The following ISYNA1 variants were observed in gnomAD, a reference collection of about 807,000 sequenced individuals.
The protein encoded by ISYNA1 is inositol-3-phosphate synthase 1, also known as MI-1-P synthase.
In ISYNA1, 34 loss-of-function variants were observed where a neutral mutation model predicts 50.3. That is an observed-to-expected ratio of 0.68 (90% CI 0.51 to 0.90). ISYNA1 has a LOEUF of 0.90. Among genes scored for constraint, ISYNA1 ranks in the 40% least tolerant of loss-of-function variants. The probability of loss-of-function intolerance (pLI) is 0.00; values close to 1 mark genes in which losing one functional copy is unlikely to be tolerated. For missense variants in ISYNA1, 718 were observed against 784.8 expected (o/e 0.91, Z 1.02); for synonymous variants, 396 against 349.9 (o/e 1.13, Z -1.47).
Position 18,437,603 on chromosome 19 carries a change from C to T in ISYNA1, c.278G>A (p.Arg93His), listed in dbSNP as rs1040898345. The T allele has an allele frequency of 3.4e-6, 5 of 1,460,900 alleles. No homozygotes were observed. In the African/African-American group the frequency reaches 5.8e-5, roughly 17 times the overall value. 90.5% of individuals were successfully genotyped at this position (1,460,900 alleles called of 1,614,324 possible). A position where few individuals can be genotyped will look rare whatever the true frequency, so the allele number is the denominator to read the frequency against. ...LRLSWPTRSG[R>H]KEANYYGSLT... ...CCACGCCCCTCCCGCCCCCACCTTG[C>T]GGCCGCTGCGCGTGGGCCAGGACAA... The change falls in exon 3 of 11, where the codon CGC (arginine) becomes CAC (histidine). Residue 93 changes from arginine to histidine, a missense_variant. Transcript: ENST00000338128.
intron 8 of ISYNA1, 24 bp from the exon 9 acceptor site, chr19:18,435,700 C>A: frequency 1.9e-6 from 3 of 1,610,930 alleles, no homozygotes; most frequent in South Asian, 1.1e-5. Flanking sequence ...GGAGTTTGCC[C>A]GGGTCCCTGC....
chr19:18,436,180 AGGAAGG>A lies in ISYNA1; in HGVS notation c.821_826del (p.Ala274_Leu276delinsVal). On this transcript the variant is annotated inframe_deletion, in exon 7 of 11. Transcript: ENST00000338128. ...CAGGGTGTTCTGCGGAGACCCATTGAGGAAGGCACAGCCCTCCAGGATGCTGGCCAC... is the reference window on the plus strand; with the variant it reads ...CAGGGTGTTCTGCGGAGACCCATTGACACAGCCCTCCAGGATGCTGGCCAC... The A allele has an allele frequency of 6.2e-7, 1 of 1,611,800 alleles. No homozygotes were observed. Among genetic ancestry groups the A allele is most frequent in the African/African-American group, 1.3e-5 (1 of 75,068 alleles).
intron 5 of ISYNA1, 68 bp from the exon 6 acceptor site, chr19:18,436,547 T>A: frequency 1.3e-6 from 2 of 1,598,594 alleles, no homozygotes; most frequent in South Asian, 2.2e-5. Context: ...GTACATACTC[T>A]CGGACTCACA....
rs1352651141 is a variant in ISYNA1 at position 18,436,819 on chromosome 19, G to A, written c.474C>T (p.Asp158=). Reference sequence around the variant, plus strand: ...GCCACAGTTGCTCCTGCAGCCCCCAGTCCAGCACCTTCGCGCGCCGCATCG... The same window carrying A: ...GCCACAGTTGCTCCTGCAGCCCCCAATCCAGCACCTTCGCGCGCCGCATCG... ...AEAMRRAKVL[D]WGLQEQLWPH... Residue 158 remains aspartate, a synonymous_variant, in exon 5 of 11, where the codon GAC becomes GAT. Transcript: ENST00000338128. 1 of 1,594,712 alleles carries A rather than the reference G, an allele frequency of 6.3e-7. No individual in the cohort carries two copies. The highest frequency in any genetic ancestry group is 1.4e-5 in the African/African-American group (1 of 73,894).
At position 18,434,891 on chromosome 19, in the gene ISYNA1, G is replaced by C; in HGVS notation, c.*22C>G. 6.2e-7 allele frequency: 1 copy of C among 1,605,034 alleles called. No individual in the cohort carries two copies. Among genetic ancestry groups the C allele is most frequent in the Non-Finnish European group, 8.5e-7 (1 of 1,174,024 alleles). On this transcript the variant is annotated 3_prime_UTR_variant, in exon 11 of 11. Transcript: ENST00000338128. ...TGGGGGGCAGCGGGGAGGAAGAGCC[G>C]AGAAACTGTGTGACCGGGGCCTCAG...
At chr19:18,437,575 C>A (rs1974113459) in intron 3 of ISYNA1, 24 bp downstream of exon 3, 8 of 1,441,382 alleles carry the variant, frequency 5.6e-6, no homozygotes, top group Non-Finnish European at 6.4e-6. Flanking sequence ...GCCTCCCTAC[C>A]CACCACGCCC....
chr19:18,435,834 A>AC lies in ISYNA1; in HGVS notation c.1062dup (p.Ser355ValfsTer24), dbSNP rs758068331. ...ATGTCGTCCACCACGTTGCTCTTGGACACCTCCTTAGAGCGGAACTGCAAT... is the reference window on the plus strand; with the variant it reads ...ATGTCGTCCACCACGTTGCTCTTGGACCACCTCCTTAGAGCGGAACTGCAAT... On this transcript the variant is annotated frameshift_variant, in exon 8 of 11. Coordinates refer to ENST00000338128, the MANE Select transcript of ISYNA1 (RefSeq NM_016368.5). LOFTEE classifies it high-confidence loss of function. 3.7e-6 allele frequency: 6 copies of AC among 1,613,842 alleles called. No homozygotes were observed. Among genetic ancestry groups the AC allele is most frequent in the Non-Finnish European group, 5.1e-6 (6 of 1,179,942 alleles).
In ISYNA1 at chr19:18,436,446, G is replaced by T; in HGVS notation, c.643C>A (p.Arg215=). 1.9e-6 allele frequency: 3 copies of T among 1,608,014 alleles called. No homozygotes were observed. The highest frequency in any genetic ancestry group is 2.5e-6 in the Non-Finnish European group (3 of 1,179,866). The change falls in exon 6 of 11, where the codon CGG becomes AGG. Residue 215 remains arginine (R), a synonymous_variant. Coordinates refer to ENST00000338128, the MANE Select transcript of ISYNA1 (RefSeq NM_016368.5). ...EQIRRDIRDF[R]SSAGLDKVIV... is the part of the protein sequence containing the mutation. The stretch of plus-strand genomic sequence containing the variant: ...ACTTTGTCCAGCCCCGCGCTAGACC[G>T]GAAGTCTCGGATGTCCCTGCGGATC...
Position 18,435,579 on chromosome 19 carries a change from A to G in ISYNA1, c.1238T>C (p.Leu413Pro). Residue 413 changes from leucine (L) to proline (P), a missense_variant, in exon 9 of 11, where the codon CTG becomes CCG. Leu to Pro is a moderately conservative substitution (Grantham distance 98, BLOSUM62 -3). Coordinates refer to ENST00000338128, the MANE Select transcript of ISYNA1 (RefSeq NM_016368.5). ...GCGCCGCACCTCACACGTGTTGTGC[A>G]GCACCAGTGTGTTGGTTCCGCCCAG... ...LMLGGTNTLV[L>P]HNTCEDSLLA... 1.9e-6 allele frequency: 3 copies of G among 1,608,304 alleles called. No homozygotes were observed. Among genetic ancestry groups the G allele is most frequent in the Non-Finnish European group, 2.5e-6 (3 of 1,177,698 alleles).
At chr19:18,436,588 C>G (rs924800575) in intron 5 of ISYNA1, 96 bp downstream of exon 5, 1 of 1,598,808 alleles carries the variant, frequency 6.3e-7, no homozygotes, top group Non-Finnish European at 8.5e-7. Context: ...CCCCGGGTGT[C>G]AAGTGAGGCC....
At position 18,435,641 on chromosome 19, in the gene ISYNA1, G is replaced by T; in HGVS notation, c.1176C>A (p.Ser392Arg). Residue 392 changes from serine (S) to arginine (R), a missense_variant, in exon 9 of 11, where the codon AGC becomes AGA. Transcript: ENST00000338128. ...AGGTATACTCATCCAGCGCGCGCTT[G>T]CTGTCACCCACGTACGGCACATACT... is the stretch of plus-strand genomic sequence containing the variant. ...VIKYVPYVGD[S>R]KRALDEYTSE... The T allele has an allele frequency of 6.2e-7, 1 of 1,611,700 alleles. No individual in the cohort carries two copies. Among genetic ancestry groups the T allele is most frequent in the South Asian group, 1.1e-5 (1 of 90,834 alleles).
In ISYNA1 at chr19:18,437,626, C is replaced by A; in HGVS notation, c.255G>T (p.Leu85Phe). The change falls in exon 3 of 11, where the codon TTG becomes TTT. Residue 85 changes from leucine (L) to phenylalanine (F), a missense_variant. Leu to Phe is a conservative substitution (Grantham distance 22). Coordinates refer to ENST00000338128, the MANE Select transcript of ISYNA1 (RefSeq NM_016368.5). ...TGCGGCCGCTGCGCGTGGGCCAGGA[C>A]AAACGCAGTCGATTGGCCAGCACCG... ...TAAVLANRLR[L>F]SWPTRSGRKE... is the part of the protein sequence containing the mutation. 6.5e-7 allele frequency: 1 copy of A among 1,534,680 alleles called. No individual in the cohort carries two copies. The highest frequency in any genetic ancestry group is 1.2e-5 in the South Asian group (1 of 83,588).
Position 18,434,624 on chromosome 19 carries a change from C to T in ISYNA1, c.*289G>A, listed in dbSNP as rs1973866843. On this transcript the variant is annotated 3_prime_UTR_variant, in exon 11 of 11. Coordinates refer to ENST00000338128, the MANE Select transcript of ISYNA1 (RefSeq NM_016368.5). ...ACACTCTCCACCCTGTGGTCTTGTT[C>T]CGTCCCCGCCCCCATCTAGCCCCAC... 1.8e-6 allele frequency: 1 copy of T among 555,952 alleles called. No homozygotes were observed. The highest frequency in any genetic ancestry group is 3.2e-6 in the Non-Finnish European group (1 of 311,720). 34.4% of individuals were successfully genotyped at this position (555,952 alleles called of 1,614,324 possible).
rs1973864848 is a variant in ISYNA1, at chr19:18,434,598, C to T, written c.*315G>A. ...GATTCCCTCTTTGGCCTTCTGCCAC[C>T]ACACTCTCCACCCTGTGGTCTTGTT... is the stretch of plus-strand genomic sequence containing the variant. On this transcript the variant is annotated 3_prime_UTR_variant, in exon 11 of 11. Coordinates refer to ENST00000338128, the MANE Select transcript of ISYNA1 (RefSeq NM_016368.5). 1.9e-6 allele frequency: 1 copy of T among 526,892 alleles called. No individual in the cohort carries two copies. The highest frequency in any genetic ancestry group is 3.4e-6 in the Non-Finnish European group (1 of 298,198). 32.6% of individuals were successfully genotyped at this position (526,892 alleles called of 1,614,324 possible).
intron 10 of ISYNA1, 68 bp downstream of exon 10, chr19:18,435,198 A>G (rs1447704190): frequency 1.9e-6 from 3 of 1,592,384 alleles, no homozygotes; most frequent in Admixed American, 3.4e-5. Flanking sequence ...CAGCCCCCCA[A>G]GCCCTGTGCA....
rs1024898750 is a variant in ISYNA1, at chr19:18,437,748, A to T, written c.133T>A (p.Ser45Thr). ...GCGGTCCGGAAGGTGAAGCGCGTGG[A>T]CGTGGGGTGCACCTGAAGACAGGCC... is the stretch of plus-strand genomic sequence containing the variant. ...EGGVLKVHPT[S>T]TRFTFRTARQ... Residue 45 changes from serine to threonine, a missense_variant, in exon 3 of 11, where the codon TCC becomes ACC. By Grantham distance (58) the Ser-to-Thr change is moderately conservative. Coordinates refer to ENST00000338128, the MANE Select transcript of ISYNA1 (RefSeq NM_016368.5). 8 of 1,576,464 alleles carry T rather than the reference A, an allele frequency of 5.1e-6. No homozygotes were observed. The highest frequency in any genetic ancestry group is 1.8e-5 in the Admixed American group (1 of 54,708).
chr19:18,434,830 G>A lies in ISYNA1; in HGVS notation c.*83C>T. Reference sequence around the variant, plus strand: ...CAGGTGGAAGGAGGGCTGAGTGGCAGCGCCTTTATTTGTGGGGGCCTTCAA... The same window carrying A: ...CAGGTGGAAGGAGGGCTGAGTGGCAACGCCTTTATTTGTGGGGGCCTTCAA... On this transcript the variant is annotated 3_prime_UTR_variant, in exon 11 of 11. Coordinates refer to ENST00000338128, the MANE Select transcript of ISYNA1 (RefSeq NM_016368.5). 1 of 1,172,728 alleles carries A rather than the reference G, an allele frequency of 8.5e-7. No homozygotes were observed. The highest frequency in any genetic ancestry group is 1.3e-5 in the South Asian group (1 of 79,252). The allele number at this position is 1,172,728 out of a possible 1,614,324, so 72.6% of individuals were successfully genotyped here.
In ISYNA1 at chr19:18,437,964, G is replaced by A; in HGVS notation, c.16C>T (p.Gln6Ter). The change falls in exon 2 of 11, where the codon CAG (glutamine) becomes TAG (stop). Residue 6 changes from glutamine to a stop codon, truncating the protein, a stop_gained. Coordinates refer to ENST00000338128, the MANE Select transcript of ISYNA1 (RefSeq NM_016368.5). LOFTEE classifies it high-confidence loss of function. ...ACGTCCGGGCTCTCGACGAAGAACT[G>A]GGCGGCGGCCTCCATCGCGGCGGGC... MEAAA[Q>*]FFVESPDVVY... 6.3e-7 allele frequency: 1 copy of A among 1,589,216 alleles called. No individual in the cohort carries two copies. The highest frequency in any genetic ancestry group is 8.6e-7 in the Non-Finnish European group (1 of 1,169,442).
chr19:18,435,280 G>C lies in ISYNA1; in HGVS notation c.1458C>G (p.Ile486Met), dbSNP rs1454212176. Residue 486 changes from isoleucine to methionine, a missense_variant, in exon 10 of 11, where the codon ATC becomes ATG. Coordinates refer to ENST00000338128, the MANE Select transcript of ISYNA1 (RefSeq NM_016368.5). ...CTGGGGTGCACCTGAGGATGTTCTC[G>C]ATGCAGCTGCGCTGGCGGAAAAGCG... ...VNALFRQRSC[I>M]ENILRACVGL... The C allele has an allele frequency of 1.2e-6, 2 of 1,605,930 alleles. No individual in the cohort carries two copies. Among genetic ancestry groups the C allele is most frequent in the Non-Finnish European group, 8.5e-7 (1 of 1,179,360 alleles).
Sources: allele counts gnomAD v4.1 joint callset, GRCh38; gene constraint gnomAD v4.1.1; transcripts MANE v1.5; gene names NCBI Gene and HGNC (gene_info 2026-07-23, HGNC 2026-07-21).